Variants in L3MBTL4 observed in about 807,000 individuals in gnomAD.
L3MBTL4 encodes lethal(3)malignant brain tumor-like protein 4.
L3MBTL4 carries 70 observed loss-of-function variants against 84.5 expected under a neutral mutation model. That is an observed-to-expected ratio of 0.83 (90% confidence interval 0.68 to 1.01). L3MBTL4 has a LOEUF of 1.01. L3MBTL4 is among the 50% of genes least tolerant of loss of function. The probability of loss-of-function intolerance (pLI) is 0.00; values close to 1 mark genes in which losing one functional copy is unlikely to be tolerated. For missense variants in L3MBTL4, 715 were observed against 754.8 expected (o/e 0.95, Z 0.62); for synonymous variants, 274 against 259.8 (o/e 1.05, Z -0.52).
chr18:6,353,298 C>T (rs1309083065), intron 1 of L3MBTL4, among the ~76,000 whole-genome samples: 1 of 150,882 alleles, frequency 6.6e-6, no homozygotes. Context: ...AAAAAAAATG[C>T]TTATTTGCTG....
intron 16 of L3MBTL4, among the ~76,000 whole-genome samples, chr18:6,006,653 A>T (rs1598416694): frequency 6.6e-6 from 1 of 152,368 alleles, no homozygotes; most frequent in Non-Finnish European, 1.5e-5. Context: ...ACCTTCAGAA[A>T]GGAGAGTAAG....
chr18:6,318,494 T>TAAAAAAAA (rs71370550), intron 1 of L3MBTL4, among the ~76,000 whole-genome samples: 434 of 14,252 alleles, frequency 0.03, 9 homozygotes, highest in East Asian at 0.034. Context: ...ACAACAATAG[T>TAAAAAAAA]AAAAAAAAAA....
At chr18:6,027,068 G>A (rs1288922371) in intron 16 of L3MBTL4, among the ~76,000 whole-genome samples, 4 of 152,092 alleles carry the variant, frequency 2.6e-5, no homozygotes, top group African/African-American at 9.7e-5. Flanking sequence ...TGTGCAGAAC[G>A]TGCAGGTTTT....
chr18:6,172,398 T>A (rs2044019980), intron 12 of L3MBTL4, among the ~76,000 whole-genome samples: 1 of 152,140 alleles, frequency 6.6e-6, no homozygotes, highest in African/African-American at 2.4e-5. Flanking sequence ...AAACAATCAA[T>A]CCCTAAAACC....
chr18:6,154,483 T>C (rs6506364), intron 13 of L3MBTL4, among the ~76,000 whole-genome samples: 8,156 of 152,234 alleles, frequency 0.054, 742 homozygotes, highest in African/African-American at 0.18. Context: ...GAATGGAATC[T>C]GGGTATGAGC....
At chr18:6,350,386 T>C (rs1445790761) in intron 1 of L3MBTL4, among the ~76,000 whole-genome samples, 2 of 152,066 alleles carry the variant, frequency 1.3e-5, no homozygotes, top group Non-Finnish European at 2.9e-5. Flanking sequence ...TATAAAGAAC[T>C]CATAATCTCA....
At chr18:6,055,182 T>A (rs1040544530) in intron 16 of L3MBTL4, among the ~76,000 whole-genome samples, 1 of 152,256 alleles carries the variant, frequency 6.6e-6, no homozygotes, top group Non-Finnish European at 1.5e-5. Context: ...ACTTCTCTTA[T>A]GAATTTCCTA....
At chr18:6,119,692 G>T (rs2059467469) in intron 14 of L3MBTL4, among the ~76,000 whole-genome samples, 1 of 152,174 alleles carries the variant, frequency 6.6e-6, no homozygotes, top group Non-Finnish European at 1.5e-5. Flanking sequence ...GCTCTCTCAT[G>T]TATGTGGAGG....
intron 16 of L3MBTL4, among the ~76,000 whole-genome samples, chr18:6,072,258 T>A (rs1165854728): frequency 6.6e-6 from 1 of 152,138 alleles, no homozygotes; most frequent in East Asian, 1.9e-4. Context: ...GGAAGAAATG[T>A]ATCAGTAAAG....
At chr18:6,023,928 C>T (rs985024120) in intron 16 of L3MBTL4, among the ~76,000 whole-genome samples, 7 of 152,188 alleles carry the variant, frequency 4.6e-5, no homozygotes, top group Admixed American at 3.9e-4. Flanking sequence ...ATAGCTATTA[C>T]GCTTTTTACA....
At chr18:6,309,154 T>C (rs538551784) in intron 3 of L3MBTL4, among the ~76,000 whole-genome samples, 10 of 152,222 alleles carry the variant, frequency 6.6e-5, no homozygotes, top group Non-Finnish European at 1.0e-4. Context: ...AAACGTCGCT[T>C]GTAAACCAGA....
intron 1 of L3MBTL4, chr18:6,399,806 C>T (rs575106744): frequency 6.6e-6 from 1 of 152,286 alleles, no homozygotes; most frequent in East Asian, 1.9e-4. Flanking sequence ...TTGGCTCCTT[C>T]CCAAACCATT....
At chr18:6,398,743 C>T (rs946949705) in intron 1 of L3MBTL4, among the ~76,000 whole-genome samples, 9 of 17,954 alleles carry the variant, frequency 5.0e-4, no homozygotes, top group East Asian at 1.5e-3. Context: ...GACTTCATTG[C>T]GGGGGGGCGG....
intron 15 of L3MBTL4, chr18:6,082,360 G>A (rs2058108377): frequency 6.6e-6 from 1 of 151,792 alleles, no homozygotes; most frequent in African/African-American, 2.4e-5. Context: ...TCTTGTAGGA[G>A]AAAATATAAA....
At chr18:6,261,496 GC>G (rs2048397889) in intron 5 of L3MBTL4, among the ~76,000 whole-genome samples, 1 of 152,130 alleles carries the variant, frequency 6.6e-6, no homozygotes, top group South Asian at 2.1e-4. Flanking sequence ...TCTCCACCCT[GC>G]CAAGGGGGCC....
intron 1 of L3MBTL4, among the ~76,000 whole-genome samples, chr18:6,316,814 T>C (rs1259807137): frequency 3.3e-5 from 5 of 151,888 alleles, no homozygotes. Flanking sequence ...TTCCCCCTGA[T>C]GAGACCTCAG....
At chr18:6,197,741 A>T (rs1156243846) in intron 12 of L3MBTL4, among the ~76,000 whole-genome samples, 1 of 152,180 alleles carries the variant, frequency 6.6e-6, no homozygotes, top group Non-Finnish European at 1.5e-5. Flanking sequence ...ACTGTCTGTG[A>T]TTCTGTCATC....
At chr18:6,166,924 C>T (rs1169437213) in intron 13 of L3MBTL4, among the ~76,000 whole-genome samples, 2 of 151,890 alleles carry the variant, frequency 1.3e-5, no homozygotes, top group African/African-American at 2.4e-5. Flanking sequence ...ATTGATAGAC[C>T]GCTAGCAAGA....
chr18:6,152,865 AGAT>A (rs537425106), intron 13 of L3MBTL4, among the ~76,000 whole-genome samples: 12 of 152,174 alleles, frequency 7.9e-5, no homozygotes, highest in Non-Finnish European at 1.5e-4. Flanking sequence ...TTATGGTTTC[AGAT>A]CTTAGATTTA....
Sources: allele counts gnomAD v4.1 joint callset (sites outside exome capture counted in the v4.1 genomes callset), GRCh38; gene constraint gnomAD v4.1.1; transcripts MANE v1.5; gene names NCBI Gene and HGNC (gene_info 2026-07-23, HGNC 2026-07-21).